Variants in ADGRB3 observed in about 807,000 individuals in gnomAD.
ADGRB3 encodes brain-specific angiogenesis inhibitor 3.
Under a neutral mutation model 193.4 loss-of-function variants are expected in ADGRB3, and 37 were observed. That is an observed-to-expected ratio of 0.19 (90% CI 0.15 to 0.25). The LOEUF (loss-of-function observed/expected upper bound fraction) is 0.25. Ranked by LOEUF, ADGRB3 falls within the 10% of genes least tolerant of loss-of-function variation. The pLI is 1.00. For missense variants in ADGRB3, 1,637 were observed against 1,852.9 expected (o/e 0.88, Z 2.14); for synonymous variants, 690 against 644.2 (o/e 1.07, Z -1.08).
At chr6:68,826,547 A>G (rs1436100571) in intron 3 of ADGRB3, among the ~76,000 whole-genome samples, 1 of 152,200 alleles carries the variant, frequency 6.6e-6, no homozygotes, top group Non-Finnish European at 1.5e-5. Flanking sequence ...AGCCTTTGGA[A>G]TGCTTCCAGA....
intron 8 of ADGRB3, among the ~76,000 whole-genome samples, chr6:68,959,996 T>C (rs1405557063): frequency 6.6e-6 from 1 of 152,104 alleles, no homozygotes; most frequent in Non-Finnish European, 1.5e-5. Flanking sequence ...TTAGTTTGAT[T>C]TTCACCCCAA....
Position 68,975,267 on chromosome 6 carries a change from A to G in ADGRB3, c.1661A>G (p.His554Arg). ...TTSRRCSLSL[H>R]GVAFWEQPSF... ...AGCAGACGCTGCTCTCTCAGTCTTC[A>G]TGGAGTGGCCTTCTGGGAACAGCCG... The change falls in exon 10 of 32, where the codon CAT becomes CGT. Residue 554 changes from histidine to arginine, a missense_variant. His to Arg is a conservative substitution (Grantham distance 29). Around this residue, in one of 7 missense-constraint regions of ADGRB3, gnomAD observed 641 missense variants for 673.9 expected, o/e 0.95. Coordinates refer to ENST00000370598, the MANE Select transcript of ADGRB3 (RefSeq NM_001704.3). The G allele has an allele frequency of 6.2e-7, 1 of 1,614,030 alleles. No individual in the cohort carries two copies. The highest frequency in any genetic ancestry group is 8.5e-7 in the Non-Finnish European group (1 of 1,179,942).
At chr6:69,046,725 C>T (rs2150301238) in intron 13 of ADGRB3, among the ~76,000 whole-genome samples, 1 of 152,246 alleles carries the variant, frequency 6.6e-6, no homozygotes, top group Middle Eastern at 3.4e-3. Context: ...TATACTAATA[C>T]ATAACCAATT....
intron 30 of ADGRB3, among the ~76,000 whole-genome samples, chr6:69,381,429 C>T (rs184616545): frequency 6.6e-6 from 1 of 151,960 alleles, no homozygotes; most frequent in East Asian, 1.9e-4. Flanking sequence ...AAGACAGAAA[C>T]TGATTGTTGC....
chr6:69,015,711 T>G (rs748823166), intron 12 of ADGRB3, among the ~76,000 whole-genome samples: 1 of 151,944 alleles, frequency 6.6e-6, no homozygotes, highest in Non-Finnish European at 1.5e-5. Context: ...GCTATTGACA[T>G]TGGAAGTTTT....
At chr6:69,321,194 G>A (rs929873335) in intron 20 of ADGRB3, among the ~76,000 whole-genome samples, 2 of 151,600 alleles carry the variant, frequency 1.3e-5, no homozygotes, top group Admixed American at 6.6e-5. Flanking sequence ...CTTCTATTGT[G>A]TCTAGGAATT....
chr6:69,339,594 G>C, intron 26 of ADGRB3, 90 bp downstream of exon 26: 2 of 1,409,826 alleles, frequency 1.4e-6, no homozygotes, highest in African/African-American at 1.4e-5. Flanking sequence ...TTGATGTTCA[G>C]ATTAAAGCTG....
At chr6:68,999,248 G>C (rs1276915714) in intron 11 of ADGRB3, among the ~76,000 whole-genome samples, 1 of 150,152 alleles carries the variant, frequency 6.7e-6, no homozygotes, top group East Asian at 1.9e-4. Flanking sequence ...AAAGCCATGT[G>C]GTATAGCTTT....
intron 3 of ADGRB3, among the ~76,000 whole-genome samples, chr6:68,840,782 T>C (rs936783648): frequency 6.6e-6 from 1 of 152,114 alleles, no homozygotes; most frequent in Non-Finnish European, 1.5e-5. Flanking sequence ...GTAGATGGAC[T>C]AAACTCTCCA....
intron 3 of ADGRB3, among the ~76,000 whole-genome samples, chr6:68,777,617 G>A (rs577404596): frequency 7.0e-6 from 1 of 142,106 alleles, no homozygotes; most frequent in African/African-American, 2.6e-5. Flanking sequence ...AAAAAAAATT[G>A]CTAATGGGAC....
chr6:69,046,263 G>A (rs1011711769), intron 13 of ADGRB3, among the ~76,000 whole-genome samples: 2 of 152,060 alleles, frequency 1.3e-5, no homozygotes, highest in African/African-American at 2.4e-5. Context: ...AGTTTTTGGA[G>A]CAAAGAAGTG....
At chr6:68,870,873 A>G (rs182211914) in intron 3 of ADGRB3, among the ~76,000 whole-genome samples, 17 of 152,324 alleles carry the variant, frequency 1.1e-4, no homozygotes, top group Admixed American at 9.2e-4. Context: ...TTGCTATGTT[A>G]TTAAACCACT....
intron 17 of ADGRB3, among the ~76,000 whole-genome samples, chr6:69,218,132 CA>C (rs1458038776): frequency 7.0e-6 from 1 of 142,226 alleles, no homozygotes; most frequent in Non-Finnish European, 1.5e-5. Context: ...CAAAAAAAGA[CA>C]AAAAAAGAAG....
chr6:69,013,545 C>A (rs1770000202), intron 11 of ADGRB3, among the ~76,000 whole-genome samples: 2 of 152,042 alleles, frequency 1.3e-5, no homozygotes, highest in South Asian at 4.1e-4. Flanking sequence ...AGTATAATGG[C>A]CAGGAAGGGC....
chr6:69,027,839 CAAGG>C, intron 13 of ADGRB3, among the ~76,000 whole-genome samples: 1 of 152,210 alleles, frequency 6.6e-6, no homozygotes, highest in African/African-American at 2.4e-5. Context: ...GGAGAGCACT[CAAGG>C]AAATATATCC....
Position 69,005,115 on chromosome 6 carries a change from A to G in ADGRB3, c.1930-8923A>G, listed in dbSNP as rs182338389. On this transcript the variant is annotated intron_variant, in intron 11 of 31. Transcript: ENST00000370598. ...CACTGAGTTATGATATTTTTATAAC[A>G]TTGGGTGTTCTCCCAGGCTGTCTCT... Among the ~76,000 whole-genome samples, 80 of 152,248 alleles carry G rather than the reference A, an allele frequency of 5.3e-4. No individual in the cohort carries two copies. The East Asian group carries it at 0.014, about 26-fold the overall frequency.
rs527271920 is a variant in ADGRB3, at chr6:68,944,769, A to G, written c.1195+775A>G. Among the ~76,000 whole-genome samples, 21 of 152,326 alleles carry G rather than the reference A, an allele frequency of 1.4e-4. No individual in the cohort carries two copies. The South Asian group carries it at 3.5e-3, about 26-fold the overall frequency. On this transcript the variant is annotated intron_variant, in intron 6 of 31. Coordinates refer to ENST00000370598, the MANE Select transcript of ADGRB3 (RefSeq NM_001704.3). ...GGACTTACAAGTTATAGAAGAAAAT[A>G]CACACACATAGATGATATAATCTCT...
chr6:69,219,889 T>C (rs1217529214), intron 17 of ADGRB3, among the ~76,000 whole-genome samples: 2 of 152,010 alleles, frequency 1.3e-5, no homozygotes, highest in African/African-American at 2.4e-5. Context: ...ATTATAGTAA[T>C]GGGTCTGCAG....
At chr6:69,339,082 T>G in intron 25 of ADGRB3, 68 bp downstream of exon 25, 2 of 1,537,912 alleles carry the variant, frequency 1.3e-6, no homozygotes, top group African/African-American at 1.4e-5. Context: ...AATGCTATGA[T>G]GAAAAAAAAT....
Sources: allele counts gnomAD v4.1 joint callset (sites outside exome capture counted in the v4.1 genomes callset), GRCh38; gene constraint gnomAD v4.1.1; regional missense constraint gnomAD v4.1.1; transcripts MANE v1.5; gene names NCBI Gene and HGNC (gene_info 2026-07-23, HGNC 2026-07-21).